SLC25A16: variants seen among roughly 807,000 people sequenced by gnomAD.
The protein encoded by SLC25A16 is mitochondrial coenzyme A transporter SLC25A16.
In SLC25A16, 39 loss-of-function variants were observed where a neutral mutation model predicts 41.5. The ratio of observed to expected loss-of-function variants is 0.94; its 90% CI spans 0.73 to 1.23. SLC25A16 has a LOEUF of 1.23. Among genes scored for constraint, SLC25A16 ranks in the 50% most tolerant of loss-of-function variants. The pLI is 0.00. For missense variants in SLC25A16, 421 were observed against 426.9 expected (o/e 0.99, Z 0.12); for synonymous variants, 146 against 147.8 (o/e 0.99, Z 0.09).
chr10:68,503,596 ATT>A (rs1275866931), intron 4 of SLC25A16, 34 bp downstream of exon 4: 1 of 1,325,788 alleles, frequency 7.5e-7, no homozygotes, highest in African/African-American at 1.5e-5. Flanking sequence ...TAGAAAATTA[ATT>A]TGTCAGAAAT....
chr10:68,512,967 A>G (rs958950885), intron 2 of SLC25A16, among the ~76,000 whole-genome samples: 2 of 152,114 alleles, frequency 1.3e-5, no homozygotes, highest in Admixed American at 1.3e-4. Flanking sequence ...TGAACCTGGG[A>G]GGCGGAGTTT....
intron 4 of SLC25A16, among the ~76,000 whole-genome samples, chr10:68,494,230 C>A (rs1390688320): frequency 6.6e-6 from 1 of 151,274 alleles, no homozygotes; most frequent in South Asian, 2.1e-4. Context: ...TTTGGGAGGC[C>A]GAGGCAGGTG....
chr10:68,493,116 C>T lies in SLC25A16; in HGVS notation c.610+16G>A. ...TTAAACATGCATATTAGGATTCTGGCAAATTTGAAACATACCTGCATATGG... is the reference window on the plus strand; with the variant it reads ...TTAAACATGCATATTAGGATTCTGGTAAATTTGAAACATACCTGCATATGG... On this transcript the variant is annotated intron_variant, in intron 6 of 8. Coordinates refer to ENST00000609923, the MANE Select transcript of SLC25A16 (RefSeq NM_152707.4). 1 of 1,518,458 alleles carries T rather than the reference C, an allele frequency of 6.6e-7. No homozygotes were observed. The highest frequency in any genetic ancestry group is 8.9e-7 in the Non-Finnish European group (1 of 1,120,290). The allele number at this position is 1,518,458 out of a possible 1,614,324, so 94.1% of individuals were successfully genotyped here. A position where few individuals can be genotyped will look rare whatever the true frequency, so the allele number is the denominator to read the frequency against.
At chr10:68,489,783 C>T (rs10998224) in intron 6 of SLC25A16, among the ~76,000 whole-genome samples, 1 of 151,626 alleles carries the variant, frequency 6.6e-6, no homozygotes, top group Non-Finnish European at 1.5e-5. Flanking sequence ...CGCCTGTAGT[C>T]TCAGCTACTC....
At chr10:68,486,136 T>A (rs1025494586) in intron 8 of SLC25A16, among the ~76,000 whole-genome samples, 1 of 148,906 alleles carries the variant, frequency 6.7e-6, no homozygotes, top group African/African-American at 2.5e-5. Flanking sequence ...GAGAATCGCT[T>A]GAACCCGGAA....
chr10:68,524,707 CAAAAAAAA>C (rs1182825187), intron 1 of SLC25A16, among the ~76,000 whole-genome samples: 1 of 68,518 alleles, frequency 1.5e-5, no homozygotes, highest in South Asian at 4.3e-4. Context: ...GACTCCATCT[CAAAAAAAA>C]AAAAAAAAAA....
intron 4 of SLC25A16, among the ~76,000 whole-genome samples, chr10:68,494,524 G>GGA (rs1277837946): frequency 4.8e-5 from 7 of 146,982 alleles, no homozygotes; most frequent in African/African-American, 1.5e-4. Context: ...CGGGAGGGGA[G>GGA]GAGAGAGAGA....
At chr10:68,485,470 C>T (rs967826463) in intron 8 of SLC25A16, among the ~76,000 whole-genome samples, 8 of 151,924 alleles carry the variant, frequency 5.3e-5, no homozygotes, top group Admixed American at 1.3e-4. Flanking sequence ...CTGCAACCTC[C>T]GCCTCCCAGG....
At position 68,526,233 on chromosome 10, in the gene SLC25A16, T is replaced by C. The variant is rs539159413; in HGVS notation, c.130+1013A>G. Reference sequence around the variant, plus strand: ...CGATTGTATGCTCCATCTACTGAGATAGGGAAAAACCGCCTTAGGGCTGGA... The same window carrying C: ...CGATTGTATGCTCCATCTACTGAGACAGGGAAAAACCGCCTTAGGGCTGGA... On this transcript the variant is annotated intron_variant, in intron 1 of 8. Coordinates refer to ENST00000609923, the MANE Select transcript of SLC25A16 (RefSeq NM_152707.4). Among the ~76,000 whole-genome samples, 24 of 151,640 alleles carry C rather than the reference T, an allele frequency of 1.6e-4. 1 individual carries two copies. Among genetic ancestry groups the C allele is most frequent in the African/African-American group, 5.3e-4 (22 of 41,270 alleles).
chr10:68,501,264 G>T (rs747843729), intron 4 of SLC25A16, among the ~76,000 whole-genome samples: 1 of 151,736 alleles, frequency 6.6e-6, no homozygotes, highest in Non-Finnish European at 1.5e-5. Flanking sequence ...AAAAAAAAGT[G>T]ATATACAAAA....
rs756305318 is a variant in SLC25A16, at chr10:68,483,358, T to TC, written c.*73dup. On this transcript the variant is annotated 3_prime_UTR_variant, in exon 9 of 9. Coordinates refer to ENST00000609923, the MANE Select transcript of SLC25A16 (RefSeq NM_152707.4). ...GTAAATATCCCCATTCAAGTAATGT[T>TC]CCCCCCACAATTATAGTAATGTTTC... 5.2e-6 allele frequency: 5 copies of TC among 957,302 alleles called. No homozygotes were observed. Among genetic ancestry groups the TC allele is most frequent in the South Asian group, 3.6e-5 (2 of 56,066 alleles). 59.3% of individuals were successfully genotyped at this position (957,302 alleles called of 1,614,324 possible). A position where few individuals can be genotyped will look rare whatever the true frequency, so the allele number is the denominator to read the frequency against.
intron 4 of SLC25A16, chr10:68,499,558 C>T: frequency 4.2e-6 from 1 of 238,488 alleles, no homozygotes; most frequent in Non-Finnish European, 8.7e-6. Flanking sequence ...TTGTGACTTC[C>T]AACCGAGGCA....
intron 2 of SLC25A16, among the ~76,000 whole-genome samples, chr10:68,512,058 T>C (rs758158258): frequency 7.2e-5 from 11 of 152,062 alleles, no homozygotes; most frequent in Admixed American, 4.6e-4. Flanking sequence ...GGCTTCACCA[T>C]ATTGGCTAGG....
chr10:68,491,064 A>G (rs1432918560), intron 6 of SLC25A16, among the ~76,000 whole-genome samples: 1 of 151,906 alleles, frequency 6.6e-6, no homozygotes, highest in African/African-American at 2.4e-5. Flanking sequence ...TTATTTGTAG[A>G]GACAAATTCT....
At chr10:68,496,366 T>C (rs1824213897) in intron 4 of SLC25A16, 1 of 375,222 alleles carries the variant, frequency 2.7e-6, no homozygotes, top group Non-Finnish European at 3.7e-6. Context: ...CTATTCTACC[T>C]AACACTTCTT....
At chr10:68,517,239 T>C (rs2053175459) in intron 1 of SLC25A16, 1 of 989,014 alleles carries the variant, frequency 1.0e-6, no homozygotes, top group Non-Finnish European at 1.2e-6. Flanking sequence ...GATTGCCAGG[T>C]TCTGTTTGAA....
intron 2 of SLC25A16, among the ~76,000 whole-genome samples, chr10:68,511,097 G>A (rs1410812562): frequency 2.6e-5 from 4 of 151,984 alleles, no homozygotes; most frequent in Admixed American, 1.3e-4. Context: ...AATTAGCGGG[G>A]CTTGGTGGCA....
At chr10:68,517,091 A>C in intron 1 of SLC25A16, 1 of 1,160,332 alleles carries the variant, frequency 8.6e-7, no homozygotes, top group Non-Finnish European at 1.1e-6. Flanking sequence ...TACCTGAGGA[A>C]GGCTGGGAAT....
Position 68,481,553 on chromosome 10 carries a change from G to A in SLC25A16, c.*1879C>T, listed in dbSNP as rs1444408367. On this transcript the variant is annotated 3_prime_UTR_variant, in exon 9 of 9. Coordinates refer to ENST00000609923, the MANE Select transcript of SLC25A16 (RefSeq NM_152707.4). ...GGGGTCAAGATATCCTCCCGCCTCA[G>A]CCTCCCAAAGTGCTAGGGTTACAGG... 1 of 152,124 alleles carries A rather than the reference G, an allele frequency of 6.6e-6. No individual in the cohort carries two copies. The highest frequency in any genetic ancestry group is 2.4e-5 in the African/African-American group (1 of 41,426). The allele number at this position is 152,124 out of a possible 1,614,324, so 9.4% of individuals were successfully genotyped here.
Sources: allele counts gnomAD v4.1 joint callset (sites outside exome capture counted in the v4.1 genomes callset), GRCh38; gene constraint gnomAD v4.1.1; transcripts MANE v1.5; gene names NCBI Gene and HGNC (gene_info 2026-07-23, HGNC 2026-07-21).